The following HAS3 variants were observed in gnomAD, a reference collection of about 807,000 sequenced individuals.
HAS3 encodes HA synthase 3.
Under a neutral mutation model 50.3 loss-of-function variants are expected in HAS3, and 27 were observed. That is an observed-to-expected ratio of 0.54 (90% CI 0.40 to 0.74). The LOEUF is 0.74. HAS3 is among the 30% of genes least tolerant of loss of function. The probability of loss-of-function intolerance (pLI) is 0.00; values close to 1 mark genes in which losing one functional copy is unlikely to be tolerated. For synonymous variants in HAS3, 339 were observed against 310.9 expected, an observed-to-expected ratio of 1.09 and a Z score of -0.95; for missense variants, 517 against 742.8, an observed-to-expected ratio of 0.70 and a Z score of 3.53.
At chr16:69,100,712 A>G (rs1433967414), upstream of HAS3, among the ~76,000 whole-genome samples, 1 of 152,120 alleles carries the variant, frequency 6.6e-6, no homozygotes, top group Non-Finnish European at 1.5e-5. Flanking sequence ...GATGACAGAG[A>G]GGTTACGGGT....
In HAS3 at chr16:69,107,513, G is replaced by C; in HGVS notation, c.-1+1726G>C. 1.0e-6 allele frequency: 1 copy of C among 985,654 alleles called. No individual in the cohort carries two copies. Among genetic ancestry groups the C allele is most frequent in the Non-Finnish European group, 1.2e-6 (1 of 830,108 alleles). 61.1% of individuals were successfully genotyped at this position (985,654 alleles called of 1,614,324 possible). On this transcript the variant is annotated intron_variant, in intron 1 of 3. Transcript: ENST00000569188. The surrounding 1 kb of genome is among the most constrained non-coding windows in gnomAD (Gnocchi z 5.5). ...CGGCGCCGCCTTTGCCAAGAGGCGA[G>C]GCTCGAGCGGGGATGAGAAGCGTGG... is the stretch of plus-strand genomic sequence containing the variant.
rs1321573102 is a variant in HAS3 at position 69,114,791 on chromosome 16, C to A, written c.1187C>A (p.Thr396Lys). The A allele has an allele frequency of 6.2e-7, 1 of 1,614,132 alleles. No homozygotes were observed. The highest frequency in any genetic ancestry group is 2.2e-5 in the East Asian group (1 of 44,876). ...TTCTTCCCCTTCTTCCTCATTGCCA[C>A]GGTTATACAGCTTTTCTACCGGGGC... ...TGFFPFFLIA[T>K]VIQLFYRGRI... is the part of the protein sequence containing the mutation. The change falls in exon 4 of 4, where the codon ACG becomes AAG. Residue 396 changes from threonine (T) to lysine (K), a missense_variant. Transcript: ENST00000569188. This position sits in a 1 kb window ranked among gnomAD's most constrained non-coding sequence, Gnocchi z 6.4.
downstream of HAS3, chr16:69,118,409 A>T (rs1961329504): frequency 6.2e-7 from 1 of 1,613,644 alleles, no homozygotes; most frequent in South Asian, 1.1e-5. Context: ...TGCCCAGGTC[A>T]GAGCTACGGA....
the HAS3 span, among the ~76,000 whole-genome samples, chr16:69,099,538 G>A: frequency 5.1e-3 from 763 of 150,712 alleles, 2 homozygotes; most frequent in African/African-American, 0.018. Context: ...ATGTTGACCC[G>A]GATGATCTCG....
chr16:69,104,075 C>T (rs924488307), upstream of HAS3, among the ~76,000 whole-genome samples: 4 of 152,036 alleles, frequency 2.6e-5, no homozygotes, highest in East Asian at 1.9e-4. Context: ...GAGGCTGAGG[C>T]GGAAGGGCTG....
chr16:69,101,386 C>T (rs1960695272), upstream of HAS3, among the ~76,000 whole-genome samples: 1 of 151,998 alleles, frequency 6.6e-6, no homozygotes, highest in Admixed American at 6.6e-5. Flanking sequence ...CTGCAACCTC[C>T]GCCTCCCGGG....
At chr16:69,099,430 C>T in the HAS3 span, among the ~76,000 whole-genome samples, 1 of 151,994 alleles carries the variant, frequency 6.6e-6, no homozygotes, top group African/African-American at 2.4e-5. Context: ...CGGGTTCAAG[C>T]GATTCTACTG....
chr16:69,105,089 C>G (rs1960756322), upstream of HAS3, among the ~76,000 whole-genome samples: 1 of 136,678 alleles, frequency 7.3e-6, no homozygotes, highest in South Asian at 2.4e-4. Flanking sequence ...CTCACTGCAA[C>G]CTCCACCTGC....
Position 69,117,462 on chromosome 16 carries a change from G to C in HAS3, c.*2196G>C, listed in dbSNP as rs563164781. On this transcript the variant is annotated 3_prime_UTR_variant, in exon 4 of 4. Coordinates refer to ENST00000569188, the MANE Select transcript of HAS3 (RefSeq NM_001199280.2). ...GTCTTCAGCTTTATCCCCGTTTCTT[G>C]CAAGGGAAGAGCCTTTATACAATTG... The C allele has an allele frequency of 4.1e-6, 4 of 985,492 alleles. No individual in the cohort carries two copies. In the Admixed American group the frequency reaches 2.5e-4, roughly 61 times the overall value. 61.0% of individuals were successfully genotyped at this position (985,492 alleles called of 1,614,324 possible).
Position 69,114,750 on chromosome 16 carries a change from G to C in HAS3, c.1146G>C (p.Glu382Asp). Residue 382 changes from glutamate to aspartate, a missense_variant, in exon 4 of 4, where the codon GAG (glutamate) becomes GAC (aspartate). By Grantham distance (45) the Glu-to-Asp change is conservative. Transcript: ENST00000569188. This position sits in a 1 kb window ranked among gnomAD's most constrained non-coding sequence, Gnocchi z 6.4. ...FHKHHLWMTY[E>D]SVVTGFFPFF... Reference sequence around the variant, plus strand: ...AGCACCACCTCTGGATGACCTACGAGTCAGTGGTCACGGGTTTCTTCCCCT... The same window carrying C: ...AGCACCACCTCTGGATGACCTACGACTCAGTGGTCACGGGTTTCTTCCCCT... 1 of 1,614,146 alleles carries C rather than the reference G, an allele frequency of 6.2e-7. No individual in the cohort carries two copies. Among genetic ancestry groups the C allele is most frequent in the Non-Finnish European group, 8.5e-7 (1 of 1,180,016 alleles).
the HAS3 span, among the ~76,000 whole-genome samples, chr16:69,085,685 C>T: frequency 6.6e-6 from 1 of 151,806 alleles, no homozygotes; most frequent in East Asian, 1.9e-4. Context: ...AACTCCTAGG[C>T]TCAAGCATCA....
rs1309829230 is a variant in HAS3 at position 69,116,386 on chromosome 16, G to A, written c.*1120G>A. 2.0e-6 allele frequency: 2 copies of A among 985,788 alleles called. No homozygotes were observed. Among genetic ancestry groups the A allele is most frequent in the Non-Finnish European group, 2.4e-6 (2 of 829,950 alleles). The allele number at this position is 985,788 out of a possible 1,614,324, so 61.1% of individuals were successfully genotyped here. ...CTCTGATCAAATTGGCTACAATCTTGGAGCTGCTTGGACGGATTCCTTGGC... is the reference window on the plus strand; with the variant it reads ...CTCTGATCAAATTGGCTACAATCTTAGAGCTGCTTGGACGGATTCCTTGGC... On this transcript the variant is annotated 3_prime_UTR_variant, in exon 4 of 4. Transcript: ENST00000569188.
At chr16:69,083,709 A>G in the HAS3 span, 1 of 1,526,320 alleles carries the variant, frequency 6.6e-7, no homozygotes, top group African/African-American at 1.4e-5. Flanking sequence ...AGGCACCCAG[A>G]GCCGTGCCCA....
chr16:69,115,461 C>G lies in HAS3; in HGVS notation c.*195C>G. On this transcript the variant is annotated 3_prime_UTR_variant, in exon 4 of 4. Transcript: ENST00000569188. ...CTGTTTAGAGGAGGCAACACTGATCCCCCAGATGCAGGGCTGCAGGGGATT... is the reference window on the plus strand; with the variant it reads ...CTGTTTAGAGGAGGCAACACTGATCGCCCAGATGCAGGGCTGCAGGGGATT... 7.8e-7 allele frequency: 1 copy of G among 1,284,514 alleles called. No individual in the cohort carries two copies. Among genetic ancestry groups the G allele is most frequent in the Non-Finnish European group, 9.8e-7 (1 of 1,019,664 alleles). The allele number at this position is 1,284,514 out of a possible 1,614,324, so 79.6% of individuals were successfully genotyped here.
chr16:69,089,137 A>G, the HAS3 span, among the ~76,000 whole-genome samples: 1 of 151,874 alleles, frequency 6.6e-6, no homozygotes, highest in African/African-American at 2.4e-5. Flanking sequence ...GGGTCCATCC[A>G]CCTGTTTTGT....
At chr16:69,100,304 C>G in the HAS3 span, among the ~76,000 whole-genome samples, 1 of 152,162 alleles carries the variant, frequency 6.6e-6, no homozygotes, top group African/African-American at 2.4e-5. Context: ...CAGCTGAAGC[C>G]GCCTTGAAGA....
chr16:69,115,421 T>G lies in HAS3; in HGVS notation c.*155T>G, dbSNP rs978683718. 1.7e-5 allele frequency: 23 copies of G among 1,368,820 alleles called. No individual in the cohort carries two copies. Among genetic ancestry groups the G allele is most frequent in the Admixed American group, 3.3e-5 (1 of 29,946 alleles). The allele number at this position is 1,368,820 out of a possible 1,614,324, so 84.8% of individuals were successfully genotyped here. On this transcript the variant is annotated 3_prime_UTR_variant, in exon 4 of 4. Transcript: ENST00000569188. ...TAAAATGCAAAGAACGGTGATGTAG[T>G]ATGGCCTGACAGCTCTGTTTAGAGG...
chr16:69,113,876 T>C (rs963841698), intron 3 of HAS3, among the ~76,000 whole-genome samples: 40 of 152,298 alleles, frequency 2.6e-4, no homozygotes, highest in African/African-American at 9.6e-4. Context: ...TGAGCAGCCC[T>C]TGCTCTTAGG....
chr16:69,099,815 TG>T, the HAS3 span, among the ~76,000 whole-genome samples: 1 of 151,036 alleles, frequency 6.6e-6, no homozygotes, highest in Non-Finnish European at 1.5e-5. Context: ...AATTGCCTTC[TG>T]GGTTTTTTTT....
Sources: gnomAD v4.1 joint callset for allele counts (sites outside exome capture counted in the v4.1 genomes callset) on GRCh38, gnomAD v4.1.1 for gene constraint, Gnocchi (gnomAD v3.1) non-coding constraint, MANE v1.5 for transcripts, NCBI Gene and HGNC (gene_info 2026-07-23, HGNC 2026-07-21) for gene names.